Variants in GAS7 observed in about 807,000 individuals in gnomAD.
GAS7 encodes growth arrest specific 7, also known as growth arrest-specific protein 7.
GAS7 carries 28 observed loss-of-function variants against 71.1 expected under a neutral mutation model. The ratio of observed to expected loss-of-function variants is 0.39; its 90% confidence interval spans 0.29 to 0.54. GAS7 has a LOEUF of 0.54. Among genes scored for constraint, GAS7 ranks in the 20% least tolerant of loss-of-function variants. The pLI is 0.62. For missense variants in GAS7, 436 were observed against 627.8 expected (o/e 0.69, Z 3.27); for synonymous variants, 258 against 245.8 (o/e 1.05, Z -0.46).
intron 5 of GAS7, chr17:9,958,886 GCA>G (rs1236577966): frequency 2.6e-5 from 23 of 896,190 alleles, no homozygotes; most frequent in Non-Finnish European, 3.1e-5. Context: ...CTTGCGCTGA[GCA>G]CAGTCCACCC....
chr17:9,952,538 C>T (rs2069064552), intron 5 of GAS7, among the ~76,000 whole-genome samples: 1 of 152,224 alleles, frequency 6.6e-6, no homozygotes, highest in Non-Finnish European at 1.5e-5. Flanking sequence ...ATTACAGGTG[C>T]CTGCCACCAT....
At chr17:10,131,899 TGTA>T (rs1288406110) in intron 1 of GAS7, among the ~76,000 whole-genome samples, 1 of 152,036 alleles carries the variant, frequency 6.6e-6, no homozygotes, top group Non-Finnish European at 1.5e-5. Flanking sequence ...CATGAAAACA[TGTA>T]GTCATAAATG....
At chr17:9,937,149 G>A (rs532902333) in intron 8 of GAS7, among the ~76,000 whole-genome samples, 6 of 152,222 alleles carry the variant, frequency 3.9e-5, no homozygotes, top group Admixed American at 6.5e-5. Flanking sequence ...GCTGCTGTGC[G>A]TGCATGCACA....
intron 1 of GAS7, among the ~76,000 whole-genome samples, chr17:10,110,741 G>C (rs1465673146): frequency 6.6e-6 from 1 of 152,166 alleles, no homozygotes; most frequent in Non-Finnish European, 1.5e-5. Context: ...CAAAGTGCTG[G>C]GATTACAGGC....
intron 1 of GAS7, among the ~76,000 whole-genome samples, chr17:10,088,177 C>T (rs549383912): frequency 3.3e-5 from 5 of 150,658 alleles, no homozygotes; most frequent in South Asian, 2.1e-4. Context: ...GCTGAGATTG[C>T]GCCACTGCAC....
chr17:10,043,446 T>C (rs1291357657), intron 1 of GAS7, among the ~76,000 whole-genome samples: 2 of 152,154 alleles, frequency 1.3e-5, no homozygotes, highest in African/African-American at 2.4e-5. Context: ...CATCTCCCCA[T>C]GTGGTTGAAA....
chr17:10,032,379 ATAAAAATAG>A (rs1567558139), intron 1 of GAS7, among the ~76,000 whole-genome samples: 1 of 152,170 alleles, frequency 6.6e-6, no homozygotes, highest in Non-Finnish European at 1.5e-5. Context: ...CCCTAGCAGA[ATAAAAATAG>A]TGTGGGCCAT....
chr17:10,152,548 T>C (rs2074174353), intron 1 of GAS7, among the ~76,000 whole-genome samples: 1 of 151,790 alleles, frequency 6.6e-6, no homozygotes, highest in Admixed American at 6.6e-5. Context: ...TCATTCAAGG[T>C]CACACAGCCA....
intron 1 of GAS7, among the ~76,000 whole-genome samples, chr17:10,159,094 ATATT>A (rs1279671528): frequency 8.4e-5 from 10 of 119,594 alleles, no homozygotes; most frequent in South Asian, 2.7e-4. Context: ...ATATATATAT[ATATT>A]AAAGATAACA....
At chr17:10,015,817 C>T (rs1375224455) in intron 2 of GAS7, among the ~76,000 whole-genome samples, 4 of 152,096 alleles carry the variant, frequency 2.6e-5, no homozygotes, top group African/African-American at 9.7e-5. Context: ...TTACCCTTCC[C>T]ATCCTGCAGC....
intron 1 of GAS7, among the ~76,000 whole-genome samples, chr17:10,197,599 G>T (rs2074549940): frequency 6.6e-6 from 1 of 152,220 alleles, no homozygotes; most frequent in Admixed American, 6.5e-5. Flanking sequence ...TTAGCCTCGG[G>T]GAGCTGGACC....
chr17:10,039,794 T>A (rs1452068459), intron 1 of GAS7: 1 of 454,660 alleles, frequency 2.2e-6, no homozygotes, highest in African/African-American at 2.0e-5. Flanking sequence ...ACAGCCAGCA[T>A]CCTAATGTCA....
chr17:10,139,912 T>C (rs2074067149), intron 1 of GAS7, among the ~76,000 whole-genome samples: 1 of 152,150 alleles, frequency 6.6e-6, no homozygotes, highest in South Asian at 2.1e-4. Flanking sequence ...CCAGGATACA[T>C]TGGTTAGGTC....
At chr17:10,046,811 AG>A (rs2072971400) in intron 1 of GAS7, among the ~76,000 whole-genome samples, 6 of 129,090 alleles carry the variant, frequency 4.6e-5, no homozygotes, top group African/African-American at 1.9e-4. Flanking sequence ...GAAGGAAGGA[AG>A]GAAGGAAGGA....
In GAS7 at chr17:9,912,927, T is replaced by C. The variant is rs1026705703; in HGVS notation, c.*4301A>G. Reference sequence around the variant, plus strand: ...ACACATCATGAATGACTCAAAAGCATTAAGCTGAGGGAAAGATGCCAGACT... The same window carrying C: ...ACACATCATGAATGACTCAAAAGCACTAAGCTGAGGGAAAGATGCCAGACT... On this transcript the variant is annotated 3_prime_UTR_variant, in exon 14 of 14. Coordinates refer to ENST00000432992, the MANE Select transcript of GAS7 (RefSeq NM_201433.2). 4.3e-6 allele frequency: 1 copy of C among 232,768 alleles called. No individual in the cohort carries two copies. Among genetic ancestry groups the C allele is most frequent in the Non-Finnish European group, 8.5e-6 (1 of 117,860 alleles). 14.4% of individuals were successfully genotyped at this position (232,768 alleles called of 1,614,324 possible). A position where few individuals can be genotyped will look rare whatever the true frequency, so the allele number is the denominator to read the frequency against.
At chr17:10,155,852 A>G (rs1292818895) in intron 1 of GAS7, among the ~76,000 whole-genome samples, 3 of 152,216 alleles carry the variant, frequency 2.0e-5, no homozygotes, top group Non-Finnish European at 4.4e-5. Context: ...GAAATCTGAG[A>G]TACAGAAAGG....
chr17:10,144,499 T>C (rs1247039800), intron 1 of GAS7, among the ~76,000 whole-genome samples: 2 of 152,138 alleles, frequency 1.3e-5, no homozygotes, highest in African/African-American at 4.8e-5. Flanking sequence ...TAAGAAAGGA[T>C]CTGGTAAATT....
intron 1 of GAS7, among the ~76,000 whole-genome samples, chr17:10,117,013 G>A (rs888358836): frequency 1.3e-5 from 2 of 152,132 alleles, no homozygotes; most frequent in Non-Finnish European, 1.5e-5. Flanking sequence ...ACACTAACGG[G>A]CTTCAAACAA....
At chr17:10,005,346 C>CACACAT (rs753952807) in intron 2 of GAS7, among the ~76,000 whole-genome samples, 1 of 149,660 alleles carries the variant, frequency 6.7e-6, no homozygotes, top group African/African-American at 2.5e-5. Context: ...CACACACACA[C>CACACAT]ATATATATAT....
Sources: allele counts gnomAD v4.1 joint callset (sites outside exome capture counted in the v4.1 genomes callset), GRCh38; gene constraint gnomAD v4.1.1; transcripts MANE v1.5; gene names NCBI Gene and HGNC (gene_info 2026-07-23, HGNC 2026-07-21).